CHPF: variants seen among roughly 807,000 people sequenced by gnomAD.
CHPF encodes the protein chondroitin polymerizing factor.
A neutral mutation model predicts 55.1 loss-of-function variants in CHPF; 34 were observed. That is an observed-to-expected ratio of 0.62 (90% confidence interval 0.47 to 0.82). CHPF has a LOEUF of 0.82. Ranked by LOEUF, CHPF falls within the 40% of genes least tolerant of loss-of-function variation. The pLI, the probability that CHPF is intolerant of heterozygous loss-of-function variation, is 0.00. For synonymous variants in CHPF, 489 were observed against 496.6 expected, an observed-to-expected ratio of 0.98 and a Z score of 0.20; for missense variants, 961 against 1,106.1, an observed-to-expected ratio of 0.87 and a Z score of 1.86.
At chr2:219,543,041 C>A in intron 1 of CHPF, 184 bp downstream of exon 1, 1 of 1,359,540 alleles carries the variant, frequency 7.4e-7, no homozygotes, top group South Asian at 1.8e-5. Flanking sequence ...GGATAGGGCC[C>A]AGAGAAAGTC....
Position 219,541,118 on chromosome 2 carries a change from T to G in CHPF, c.896A>C (p.His299Pro). 6.2e-7 allele frequency: 1 copy of G among 1,600,012 alleles called. No homozygotes were observed. The highest frequency in any genetic ancestry group is 8.5e-7 in the Non-Finnish European group (1 of 1,174,308). ...AGGGCTCAGCTCCAGATGGCTATAGTGCACCCCCTGGGGAGAGGAAGGGAA... is the reference window on the plus strand; with the variant it reads ...AGGGCTCAGCTCCAGATGGCTATAGGGCACCCCCTGGGGAGAGGAAGGGAA... ...VGCTGDHEGV[H>P]YSHLELSPGE... The change falls in exon 3 of 4, where the codon CAC becomes CCC. Residue 299 changes from histidine to proline, a missense_variant. Physicochemically the swap from His to Pro is moderately conservative, Grantham distance 77. Coordinates refer to ENST00000243776, the MANE Select transcript of CHPF (RefSeq NM_024536.6).
Position 219,541,786 on chromosome 2 carries a change from CG to C in CHPF, c.717del (p.Gly240AlafsTer66). On this transcript the variant is annotated frameshift_variant, in exon 2 of 4. Coordinates refer to ENST00000243776, the MANE Select transcript of CHPF (RefSeq NM_024536.6). LOFTEE classifies it high-confidence loss of function. ...CCAAAGCCTCCGTGGCAGTAGCGGC[CG>C]GGGGTGGGCTCTCCGCCGATGAAGT... ...PQDFIGGEPT[P>X]GRYCHGGFGV... is the part of the protein sequence containing the mutation. 1 of 1,607,102 alleles carries C rather than the reference CG, an allele frequency of 6.2e-7. No individual in the cohort carries two copies. The highest frequency in any genetic ancestry group is 8.5e-7 in the Non-Finnish European group (1 of 1,176,458).
Position 219,540,587 on chromosome 2 carries a change from C to A in CHPF, c.1124G>T (p.Trp375Leu). The part of the protein sequence containing the change: ...LAVDGDQAAA[W>L]PVGIPAPSRP... ...GGATGGTGCTGGAATACCCACGGGC[C>A]AAGCAGCTGCCTGGTCCCCATCAAC... Residue 375 changes from tryptophan to leucine, a missense_variant, in exon 4 of 4, where the codon TGG becomes TTG. Trp to Leu is a moderately conservative substitution (Grantham distance 61, BLOSUM62 -2). Around this residue, in one of 3 missense-constraint regions of CHPF, gnomAD observed 936 missense variants for 1,058.4 expected, o/e 0.88. Transcript: ENST00000243776. 1.2e-6 allele frequency: 2 copies of A among 1,612,666 alleles called. No homozygotes were observed. Among genetic ancestry groups the A allele is most frequent in the Non-Finnish European group, 1.7e-6 (2 of 1,179,542 alleles).
chr2:219,542,240 TG>T lies in CHPF; in HGVS notation c.315-52del, dbSNP rs1209158412. On this transcript the variant is annotated intron_variant, in intron 1 of 3. Transcript: ENST00000243776. ...ATCAAAAGGACAACGGGGCGGGGGG[TG>T]GGGGGGAGGTGGTCAGCACAGACCC... The T allele has an allele frequency of 1.1e-4, 16 of 150,052 alleles. 1 individual carries two copies. The highest frequency in any genetic ancestry group is 1.3e-3 in the Middle Eastern group (1 of 794). The allele number at this position is 150,052 out of a possible 1,614,324, so 9.3% of individuals were successfully genotyped here.
At position 219,539,847 on chromosome 2, in the gene CHPF, G is replaced by A; in HGVS notation, c.1864C>T (p.Pro622Ser). 1.2e-6 allele frequency: 2 copies of A among 1,613,666 alleles called. No homozygotes were observed. The highest frequency in any genetic ancestry group is 1.7e-6 in the Non-Finnish European group (2 of 1,180,034). The change falls in exon 4 of 4, where the codon CCT becomes TCT. Residue 622 changes from proline to serine, a missense_variant. This residue lies in a region of CHPF where 936 missense variants were observed against 1,058.4 expected (regional missense o/e 0.88). Transcript: ENST00000243776. ...ATGCGGCAGCGGTTCAGGAAGTCAG[G>A]CGTGAGCACCGTGTCTGGCCCGGCC... ...LLAGPDTVLT[P>S]DFLNRCRMHA...
intron 3 of CHPF, 49 bp downstream of exon 3, chr2:219,540,887 CTCTGTGACTT>C (rs1695256087): frequency 6.3e-7 from 1 of 1,585,938 alleles, no homozygotes; most frequent in African/African-American, 1.4e-5. Flanking sequence ...TCTCTGGGCT[CTCTGTGACTT>C]CTCAGATCCT....
intron 1 of CHPF, chr2:219,542,970 T>C (rs888240955): frequency 1.0e-5 from 13 of 1,286,888 alleles, no homozygotes; most frequent in Non-Finnish European, 9.8e-6. Context: ...TAGTAGGATC[T>C]CTGGGGCGCC....
In CHPF at chr2:219,543,388, G is replaced by A; in HGVS notation, c.151C>T (p.Pro51Ser). ...GPPQPGDSELPPRGNTNAARR... is the reference protein window; with the variant it reads ...GPPQPGDSELSPRGNTNAARR... ...GCCGCGTTGGTGTTGCCGCGCGGCG[G>A]CAGCTCAGAGTCTCCAGGTTGGGGC... The change falls in exon 1 of 4, where the codon CCG becomes TCG. Residue 51 changes from proline to serine, a missense_variant. By Grantham distance (74) the Pro-to-Ser change is moderately conservative (BLOSUM62 -1). Around this residue, in one of 3 missense-constraint regions of CHPF, gnomAD observed 936 missense variants for 1,058.4 expected, o/e 0.88. Coordinates refer to ENST00000243776, the MANE Select transcript of CHPF (RefSeq NM_024536.6). The A allele has an allele frequency of 6.4e-7, 1 of 1,559,502 alleles. No individual in the cohort carries two copies. Among genetic ancestry groups the A allele is most frequent in the Admixed American group, 1.8e-5 (1 of 55,976 alleles).
rs1431348362 is a variant in CHPF at position 219,539,649 on chromosome 2, GGGCTGCCACA to G, written c.2052_2061del (p.Ala686GlyfsTer205). On this transcript the variant is annotated frameshift_variant, in exon 4 of 4. Transcript: ENST00000243776. LOFTEE classifies it high-confidence loss of function. ...TCTGAGGCTGCCGCCAGGCGCCCACGGGCTGCCACATAGTCGGAGTTGTAGAAGCAGGCCT... is the reference window on the plus strand; with the variant it reads ...TCTGAGGCTGCCGCCAGGCGCCCACGTAGTCGGAGTTGTAGAAGCAGGCCT... 2 of 1,613,456 alleles carry G rather than the reference GGGCTGCCACA, an allele frequency of 1.2e-6. No individual in the cohort carries two copies. Among genetic ancestry groups the G allele is most frequent in the East Asian group, 2.2e-5 (1 of 44,864 alleles).
chr2:219,541,259 T>TTGTGAGTCTG, intron 2 of CHPF, 134 bp from the exon 3 acceptor site: 1 of 871,332 alleles, frequency 1.1e-6, no homozygotes, highest in East Asian at 2.9e-5. Context: ...CCTTGACCAG[T>TTGTGAGTCTG]TGTGAGTCTG....
Position 219,539,775 on chromosome 2 carries a change from C to CT in CHPF, c.1935dup (p.Ala646SerfsTer20). ...GGTGGGGCCACAGCTGGGTGGAAGG[C>CT]TTGGAAATGCATGGGAAAGAAGGCC... On this transcript the variant is annotated frameshift_variant, in exon 4 of 4. Transcript: ENST00000243776. LOFTEE classifies it high-confidence loss of function. 3 of 1,613,504 alleles carry CT rather than the reference C, an allele frequency of 1.9e-6. No homozygotes were observed. The highest frequency in any genetic ancestry group is 2.5e-6 in the Non-Finnish European group (3 of 1,180,022).
In CHPF at chr2:219,542,124, T is replaced by C; in HGVS notation, c.380A>G (p.Gln127Arg). The C allele has an allele frequency of 6.4e-7, 1 of 1,566,660 alleles. No individual in the cohort carries two copies. The highest frequency in any genetic ancestry group is 1.2e-5 in the South Asian group (1 of 86,358). Residue 127 changes from glutamine (Q) to arginine (R), a missense_variant, in exon 2 of 4, where the codon CAG becomes CGG. Coordinates refer to ENST00000243776, the MANE Select transcript of CHPF (RefSeq NM_024536.6). The part of the protein sequence containing the change: ...QRLLVAVLTS[Q>R]TTLPTLGVAV... Reference sequence around the variant, plus strand: ...CACGCCCAGCGTGGGCAGCGTGGTCTGAGAGGTCAGCACCGCCACCAGCAG... The same window carrying C: ...CACGCCCAGCGTGGGCAGCGTGGTCCGAGAGGTCAGCACCGCCACCAGCAG...
rs1695321149 is a variant in CHPF, at chr2:219,543,405, G to A, written c.134C>T (p.Pro45Leu). 1.3e-6 allele frequency: 2 copies of A among 1,550,466 alleles called. No homozygotes were observed. The highest frequency in any genetic ancestry group is 1.4e-5 in the African/African-American group (1 of 70,484). Reference protein sequence around the residue: ...EEPCGPGPPQPGDSELPPRGN... With the variant: ...EEPCGPGPPQLGDSELPPRGN... ...GCGCGGCGGCAGCTCAGAGTCTCCA[G>A]GTTGGGGCGGGCCTGGGCCGCACGG... Residue 45 changes from proline (P) to leucine (L), a missense_variant, in exon 1 of 4, where the codon CCT (proline) becomes CTT (leucine). Pro to Leu is a moderately conservative substitution (Grantham distance 98). Transcript: ENST00000243776.
At position 219,542,065 on chromosome 2, in the gene CHPF, G is replaced by A. The variant is rs764232533; in HGVS notation, c.439C>T (p.Arg147Cys). 15 of 1,574,182 alleles carry A rather than the reference G, an allele frequency of 9.5e-6. No individual in the cohort carries two copies. The Admixed American group carries it at 2.7e-4, about 29-fold the overall frequency. The change falls in exon 2 of 4, where the codon CGT becomes TGT. Residue 147 changes from arginine (R) to cysteine (C), a missense_variant. By Grantham distance (180) the Arg-to-Cys change is radical. Transcript: ENST00000243776. ...CGTGCGCCCGTCAGGAACACCACAC[G>A]CTCCAGCCGGTGCCCCAGCGTGCGG... ...VNRTLGHRLERVVFLTGARGR... is the reference protein window; with the variant it reads ...VNRTLGHRLECVVFLTGARGR...
Position 219,541,772 on chromosome 2 carries a change from G to C in CHPF, c.732C>G (p.His244Gln). The change falls in exon 2 of 4, where the codon CAC (histidine) becomes CAG (glutamine). Residue 244 changes from histidine (H) to glutamine (Q), a missense_variant. By Grantham distance (24) the His-to-Gln change is conservative. Around this residue, in one of 3 missense-constraint regions of CHPF, gnomAD observed 936 missense variants for 1,058.4 expected, o/e 0.88. Coordinates refer to ENST00000243776, the MANE Select transcript of CHPF (RefSeq NM_024536.6). ...GCGACAGCAGCACCCCAAAGCCTCC[G>C]TGGCAGTAGCGGCCGGGGGTGGGCT... ...GGEPTPGRYC[H>Q]GGFGVLLSRM... is the part of the protein sequence containing the mutation. 1 of 1,609,380 alleles carries C rather than the reference G, an allele frequency of 6.2e-7. No homozygotes were observed. The highest frequency in any genetic ancestry group is 8.5e-7 in the Non-Finnish European group (1 of 1,177,722).
At chr2:219,542,228 CGGGGCGG>C in intron 1 of CHPF, 39 bp from the exon 2 acceptor site, 1 of 746,348 alleles carries the variant, frequency 1.3e-6, no homozygotes, top group Non-Finnish European at 1.7e-6. Flanking sequence ...AAAAGGACAA[CGGGGCGG>C]GGGGTGGGGG....
At chr2:219,541,340 G>C (rs1695265473) in intron 2 of CHPF, 2 of 571,550 alleles carry the variant, frequency 3.5e-6, no homozygotes, top group South Asian at 5.4e-5. Flanking sequence ...AGCTGTCCAA[G>C]GGCTAAAATA....
In CHPF at chr2:219,540,369, G is replaced by A. The variant is rs200756992; in HGVS notation, c.1342C>T (p.Leu448=). Residue 448 remains leucine, a synonymous_variant, in exon 4 of 4, where the codon CTG becomes TTG. Coordinates refer to ENST00000243776, the MANE Select transcript of CHPF (RefSeq NM_024536.6). ...TCAAAGCGTCGGTAGCCATTCACCA[G>A]CTGCTGCTTCTGGAGCCGCAAGGCC... is the stretch of plus-strand genomic sequence containing the variant. ...HPALRLQKQQ[L]VNGYRRFDPA... 4.3e-6 allele frequency: 7 copies of A among 1,614,036 alleles called. No individual in the cohort carries two copies. The highest frequency in any genetic ancestry group is 1.1e-5 in the South Asian group (1 of 91,090).
chr2:219,541,073 C>T lies in CHPF; in HGVS notation c.941G>A (p.Gly314Glu), dbSNP rs1425172679. Residue 314 changes from glycine (G) to glutamate (E), a missense_variant, in exon 3 of 4, where the codon GGG becomes GAG. By Grantham distance (98) the Gly-to-Glu change is moderately conservative. This residue lies in a region of CHPF where 936 missense variants were observed against 1,058.4 expected (regional missense o/e 0.88). Transcript: ENST00000243776. ...ELSPGEPVQE[G>E]DPHFRSALTA... ...CAGGGCACTTCGGAAATGAGGGTCC[C>T]CCTCCTGCACTGGCTCCCCAGGGCT... 2 of 1,613,152 alleles carry T rather than the reference C, an allele frequency of 1.2e-6. No individual in the cohort carries two copies.
Sources: gnomAD v4.1 joint callset for allele counts on GRCh38, gnomAD v4.1.1 for gene constraint, gnomAD v4.1.1 regional missense constraint, MANE v1.5 for transcripts, NCBI Gene and HGNC (gene_info 2026-07-23, HGNC 2026-07-21) for gene names.